EPHA10: variants seen among roughly 807,000 people sequenced by gnomAD.
EPHA10 encodes ephrin type-A receptor 10.
A neutral mutation model predicts 109.7 loss-of-function variants in EPHA10; 120 were observed. That is an observed-to-expected ratio of 1.09 (90% CI 0.94 to 1.27). The LOEUF (loss-of-function observed/expected upper bound fraction) is 1.27. Ranked by LOEUF, EPHA10 falls within the 50% of genes most tolerant of loss-of-function variation. The pLI, the probability that EPHA10 is intolerant of heterozygous loss-of-function variation, is 0.00. For missense variants in EPHA10, 1,396 were observed against 1,411.1 expected (o/e 0.99, Z 0.17); for synonymous variants, 640 against 618.9 (o/e 1.03, Z -0.51).
intron 5 of EPHA10, among the ~76,000 whole-genome samples, chr1:37,751,201 C>CAAAAAAAAAAAAAAAA (rs1320111085): frequency 2.2e-5 from 1 of 46,124 alleles, no homozygotes; most frequent in Non-Finnish European, 4.1e-5. Context: ...AGACTCCTCT[C>CAAAAAAAAAAAAAAAA]AAAAAAAAAA....
chr1:37,763,887 C>T (rs1041390436), intron 1 of EPHA10, among the ~76,000 whole-genome samples: 2 of 152,154 alleles, frequency 1.3e-5, no homozygotes, highest in African/African-American at 4.8e-5. Context: ...AGCCCTTTTC[C>T]CAGGGGCTGT....
intron 5 of EPHA10, among the ~76,000 whole-genome samples, chr1:37,740,934 G>A (rs903284033): frequency 6.6e-6 from 1 of 152,138 alleles, no homozygotes; most frequent in Non-Finnish European, 1.5e-5. Context: ...CCTGAGACAC[G>A]CCAACAATTA....
rs1646457504 is a variant in EPHA10 at position 37,764,332 on chromosome 1, C to T, written c.106+629G>A. On this transcript the variant is annotated intron_variant, in intron 1 of 16. Transcript: ENST00000373048. This position sits in a 1 kb window ranked among gnomAD's most constrained non-coding sequence, Gnocchi z 5.8. Reference sequence around the variant, plus strand: ...CCGGATTCTGCACCTAGATATGACGCCTCTGGATTCAACTGAGCGTATAGC... The same window carrying T: ...CCGGATTCTGCACCTAGATATGACGTCTCTGGATTCAACTGAGCGTATAGC... Among the ~76,000 whole-genome samples, 1 of 152,222 alleles carries T rather than the reference C, an allele frequency of 6.6e-6. No individual in the cohort carries two copies. The highest frequency in any genetic ancestry group is 2.4e-5 in the African/African-American group (1 of 41,460).
intron 2 of EPHA10, among the ~76,000 whole-genome samples, 183 bp downstream of exon 2, chr1:37,762,602 G>A: frequency 1.7e-5 from 1 of 59,720 alleles, no homozygotes; most frequent in Non-Finnish European, 3.4e-5. Flanking sequence ...TTTTTTTTTT[G>A]ACTGTCTAAC....
intron 6 of EPHA10, among the ~76,000 whole-genome samples, chr1:37,732,164 G>A (rs1282672827): frequency 6.6e-6 from 1 of 152,186 alleles, no homozygotes; most frequent in East Asian, 1.9e-4. Context: ...ACTGATGAGC[G>A]CCTACTCAGT....
chr1:37,741,433 G>A (rs545656998), intron 5 of EPHA10, among the ~76,000 whole-genome samples: 1 of 152,308 alleles, frequency 6.6e-6, no homozygotes, highest in Non-Finnish European at 1.5e-5. Flanking sequence ...TGACAAGTGC[G>A]TGGATGTGGC....
chr1:37,724,052 G>C (rs999611420), intron 8 of EPHA10, among the ~76,000 whole-genome samples: 3 of 152,246 alleles, frequency 2.0e-5, no homozygotes, highest in Admixed American at 1.3e-4. Context: ...GCAATGATTT[G>C]ATTTCTACTT....
At chr1:37,745,692 A>G (rs1646230133) in intron 5 of EPHA10, among the ~76,000 whole-genome samples, 1 of 152,150 alleles carries the variant, frequency 6.6e-6, no homozygotes, top group Non-Finnish European at 1.5e-5. Flanking sequence ...CTGCTAAAAA[A>G]TACAAATATT....
downstream of EPHA10, chr1:37,715,920 C>T (rs777791418): frequency 5.3e-6 from 3 of 569,696 alleles, no homozygotes; most frequent in East Asian, 3.8e-5. Flanking sequence ...GGGGCAGAAG[C>T]CCTTCCACAC....
chr1:37,752,578 G>GA (rs1025937510), intron 5 of EPHA10, among the ~76,000 whole-genome samples: 4 of 152,184 alleles, frequency 2.6e-5, no homozygotes, highest in African/African-American at 9.6e-5. Flanking sequence ...GAGTCCAGGA[G>GA]AAAAGCGAGC....
chr1:37,727,384 AGTC>A (rs1361534717), intron 7 of EPHA10, among the ~76,000 whole-genome samples, 174 bp from the exon 8 acceptor site: 1 of 152,212 alleles, frequency 6.6e-6, no homozygotes, highest in Non-Finnish European at 1.5e-5. Context: ...TGGCACCTGG[AGTC>A]CCAAGAGCTT....
chr1:37,731,411 CCTCCCCCAGGGT>C lies in EPHA10; in HGVS notation c.1651_1662del (p.Thr551_Glu554del). On this transcript the variant is annotated inframe_deletion and splice_region_variant, in exon 7 of 17. Coordinates refer to ENST00000373048, the MANE Select transcript of EPHA10 (RefSeq NM_001099439.2). ...CTGTCCACTCACACACACTACTTAC[CCTCCCCCAGGGT>C]CTGTACTTCAATGCTGGGGTTAAAA... 6.2e-7 allele frequency: 1 copy of C among 1,600,012 alleles called. No homozygotes were observed. Among genetic ancestry groups the C allele is most frequent in the Non-Finnish European group, 8.5e-7 (1 of 1,172,042 alleles).
chr1:37,760,362 G>A (rs972558628), intron 3 of EPHA10: 8 of 1,051,674 alleles, frequency 7.6e-6, no homozygotes, highest in Non-Finnish European at 9.2e-6. Flanking sequence ...ACAGGCAAGA[G>A]AGAGAATGAG....
Position 37,764,952 on chromosome 1 carries a change from T to C in EPHA10, c.106+9A>G. 1.2e-6 allele frequency: 2 copies of C among 1,600,422 alleles called. No individual in the cohort carries two copies. Among genetic ancestry groups the C allele is most frequent in the Non-Finnish European group, 1.7e-6 (2 of 1,174,810 alleles). On this transcript the variant is annotated intron_variant, in intron 1 of 16. Transcript: ENST00000373048. This position sits in a 1 kb window ranked among gnomAD's most constrained non-coding sequence, Gnocchi z 5.8. ...CCACGCTCCGAGCAGAGCTCACCAGTCTTCTCACCTTCCTCGGCGGTCCCA... is the reference window on the plus strand; with the variant it reads ...CCACGCTCCGAGCAGAGCTCACCAGCCTTCTCACCTTCCTCGGCGGTCCCA...
intron 1 of EPHA10, 101 bp from the exon 2 acceptor site, chr1:37,762,950 G>T: frequency 1.8e-6 from 2 of 1,137,904 alleles, no homozygotes; most frequent in Non-Finnish European, 2.5e-6. Context: ...CTGAGAGAAT[G>T]CAATATGTGA....
At position 37,719,568 on chromosome 1, in the gene EPHA10, G is replaced by C; in HGVS notation, c.2602C>G (p.Pro868Ala). The C allele has an allele frequency of 4.3e-6, 7 of 1,613,842 alleles. No individual in the cohort carries two copies. Among genetic ancestry groups the C allele is most frequent in the Non-Finnish European group, 5.9e-6 (7 of 1,180,006 alleles). Residue 868 changes from proline (P) to alanine (A), a missense_variant, in exon 15 of 17, where the codon CCC becomes GCC. By Grantham distance (27) the Pro-to-Ala change is conservative. Transcript: ENST00000373048. ...AVEDGFRLPP[P>A]RNCPNLLHRL... ...TGCAGAAGGTTAGGACAGTTCCTGGGGGGTGGCAGCCGGAAGCCATCCTCC... is the reference window on the plus strand; with the variant it reads ...TGCAGAAGGTTAGGACAGTTCCTGGCGGGTGGCAGCCGGAAGCCATCCTCC...
chr1:37,743,169 C>A (rs1454572086), intron 5 of EPHA10, among the ~76,000 whole-genome samples: 1 of 151,668 alleles, frequency 6.6e-6, no homozygotes, highest in Non-Finnish European at 1.5e-5. Flanking sequence ...CAGAAAATAC[C>A]AGAAATTGGG....
chr1:37,736,476 C>CAAAAAAAAA (rs543417433), intron 5 of EPHA10, among the ~76,000 whole-genome samples: 1 of 57,840 alleles, frequency 1.7e-5, no homozygotes, highest in South Asian at 5.6e-4. Flanking sequence ...AATTCTGTCT[C>CAAAAAAAAA]AAAAAAAAAA....
chr1:37,715,794 TCACA>T (rs1331227174), downstream of EPHA10: 22 of 444,050 alleles, frequency 5.0e-5, no homozygotes, highest in African/African-American at 3.3e-4. Context: ...GTACCCTGGG[TCACA>T]CCGTCCTGCC....
Sources: gnomAD v4.1 joint callset for allele counts (sites outside exome capture counted in the v4.1 genomes callset) on GRCh38, gnomAD v4.1.1 for gene constraint, Gnocchi (gnomAD v3.1) non-coding constraint, MANE v1.5 for transcripts, NCBI Gene and HGNC (gene_info 2026-07-23, HGNC 2026-07-21) for gene names.